FREM2: variants seen among roughly 807,000 people sequenced by gnomAD.
FREM2 encodes FRAS1-related extracellular matrix protein 2.
FREM2 carries 119 observed loss-of-function variants against 219.9 expected under a neutral mutation model. The observed-to-expected ratio is 0.54, with a 90% CI of 0.47 to 0.63. FREM2 has a LOEUF of 0.63. Among genes scored for constraint, FREM2 ranks in the 30% least tolerant of loss-of-function variants. The probability of loss-of-function intolerance (pLI) is 0.00; values close to 1 mark genes in which losing one functional copy is unlikely to be tolerated. For missense variants in FREM2, 4,030 were observed against 3,993.6 expected (o/e 1.01, Z -0.25); for synonymous variants, 1,562 against 1,522.8 (o/e 1.03, Z -0.60).
At chr13:38,752,323 T>G (rs572409070) in intron 2 of FREM2, among the ~76,000 whole-genome samples, 32 of 152,312 alleles carry the variant, frequency 2.1e-4, no homozygotes, top group African/African-American at 7.7e-4. Flanking sequence ...TCTTTTTAAG[T>G]CTAGGAGTTT....
chr13:38,742,973 G>C (rs139980210), intron 2 of FREM2, among the ~76,000 whole-genome samples: 55 of 152,286 alleles, frequency 3.6e-4, no homozygotes, highest in African/African-American at 1.3e-3. Context: ...CAATAATACT[G>C]TTAGCACTTT....
intron 12 of FREM2, 57 bp downstream of exon 12, chr13:38,856,313 A>AT: frequency 6.7e-7 from 1 of 1,498,184 alleles, no homozygotes; most frequent in Non-Finnish European, 9.3e-7. Context: ...GAGGAAATGC[A>AT]TAAAAGCAAT....
At chr13:38,858,119 G>C in intron 13 of FREM2, 86 bp downstream of exon 13, 1 of 1,197,938 alleles carries the variant, frequency 8.3e-7, no homozygotes, top group Non-Finnish European at 1.2e-6. Flanking sequence ...GCTTTGTTAT[G>C]AAGAAATGAA....
At chr13:38,800,004 T>A (rs2137849105) in intron 6 of FREM2, among the ~76,000 whole-genome samples, 1 of 152,308 alleles carries the variant, frequency 6.6e-6, no homozygotes, top group East Asian at 1.9e-4. Flanking sequence ...TTTGTTACTG[T>A]CATATTGCTA....
chr13:38,839,632 T>C (rs1286369794), intron 6 of FREM2, among the ~76,000 whole-genome samples: 1 of 152,200 alleles, frequency 6.6e-6, no homozygotes, highest in Non-Finnish European at 1.5e-5. Context: ...GGCTGCAGCC[T>C]TTCTTTCAGA....
intron 6 of FREM2, among the ~76,000 whole-genome samples, chr13:38,792,315 C>T (rs1442294612): frequency 6.6e-6 from 1 of 152,202 alleles, no homozygotes; most frequent in Non-Finnish European, 1.5e-5. Flanking sequence ...CACCACTGCA[C>T]TCCAGCCTGG....
intron 2 of FREM2, among the ~76,000 whole-genome samples, chr13:38,758,315 C>A (rs1390541216): frequency 2.6e-5 from 4 of 152,286 alleles, no homozygotes; most frequent in African/African-American, 9.6e-5. Flanking sequence ...CCTAATCTTC[C>A]AGGAACGCCT....
chr13:38,725,063 T>G (rs1871458780), intron 2 of FREM2, among the ~76,000 whole-genome samples: 2 of 152,214 alleles, frequency 1.3e-5, no homozygotes, highest in Non-Finnish European at 2.9e-5. Flanking sequence ...AAGAAAGAGA[T>G]AAAGCTAGAG....
chr13:38,870,998 A>G (rs900590144), intron 16 of FREM2, among the ~76,000 whole-genome samples: 1 of 152,182 alleles, frequency 6.6e-6, no homozygotes, highest in Non-Finnish European at 1.5e-5. Flanking sequence ...CTAGTGGCAT[A>G]TGGGTTGACT....
intron 6 of FREM2, among the ~76,000 whole-genome samples, chr13:38,836,512 A>G (rs1876713842): frequency 6.6e-6 from 1 of 152,144 alleles, no homozygotes; most frequent in Non-Finnish European, 1.5e-5. Context: ...TAGTTTCAGA[A>G]GGAATGGTAC....
intron 2 of FREM2, among the ~76,000 whole-genome samples, chr13:38,708,738 CTACTT>C (rs1176323125): frequency 1.3e-5 from 2 of 152,190 alleles, no homozygotes; most frequent in African/African-American, 2.4e-5. Flanking sequence ...GATGTTGTCT[CTACTT>C]TATAACTCTC....
chr13:38,864,758 T>C, intron 16 of FREM2, 152 bp downstream of exon 16: 1 of 714,158 alleles, frequency 1.4e-6, no homozygotes, highest in Non-Finnish European at 2.5e-6. Flanking sequence ...GCATGGATGG[T>C]GTGAAAATCC....
chr13:38,735,101 G>T (rs1233211176), intron 2 of FREM2, among the ~76,000 whole-genome samples: 1 of 152,042 alleles, frequency 6.6e-6, no homozygotes, highest in Non-Finnish European at 1.5e-5. Context: ...AGGACAGCTG[G>T]ATTCTGATAT....
chr13:38,846,834 A>G lies in FREM2; in HGVS notation c.6169+112A>G, dbSNP rs9548504. On this transcript the variant is annotated intron_variant, in intron 7 of 23. Transcript: ENST00000280481. The stretch of plus-strand genomic sequence containing the variant: ...CTTCTATTAAAGCAGTTGGCTGGGT[A>G]TATTGTTTTTGCTGAAATTATTACT... 0.12 allele frequency: 142,202 copies of G among 1,223,346 alleles called. 10,354 individuals are homozygous for G. Among genetic ancestry groups the G allele is most frequent in the Admixed American group, 0.29 (16,838 of 57,888 alleles). 75.8% of individuals were successfully genotyped at this position (1,223,346 alleles called of 1,614,324 possible).
chr13:38,714,886 G>A (rs1441633733), intron 2 of FREM2, among the ~76,000 whole-genome samples: 2 of 151,558 alleles, frequency 1.3e-5, no homozygotes, highest in Non-Finnish European at 2.9e-5. Context: ...AGGAGTTCGA[G>A]ACCAGCCTGG....
chr13:38,825,908 T>C (rs1046762455), intron 6 of FREM2, among the ~76,000 whole-genome samples: 2 of 152,134 alleles, frequency 1.3e-5, no homozygotes, highest in Non-Finnish European at 2.9e-5. Context: ...TTATTCTCTA[T>C]AAATGAAAAT....
Position 38,689,547 on chromosome 13 carries a change from G to A in FREM2, c.2203G>A (p.Asp735Asn). 1.2e-6 allele frequency: 2 copies of A among 1,613,774 alleles called. No individual in the cohort carries two copies. Among genetic ancestry groups the A allele is most frequent in the Non-Finnish European group, 1.7e-6 (2 of 1,179,846 alleles). Residue 735 changes from aspartate to asparagine, a missense_variant, in exon 1 of 24, where the codon GAC becomes AAC. By Grantham distance (23) the Asp-to-Asn change is conservative. Around this residue, in one of 2 missense-constraint regions of FREM2, gnomAD observed 3,102 missense variants for 2,950.7 expected, o/e 1.05. Coordinates refer to ENST00000280481, the MANE Select transcript of FREM2 (RefSeq NM_207361.6). ...GCGCTACACTGACCTGGACACAGAT[G>A]ACCGAGAACTACGTTACACAGTGAC... The part of the protein sequence containing the change: ...WLRYTDLDTD[D>N]RELRYTVTQP...
intron 2 of FREM2, among the ~76,000 whole-genome samples, chr13:38,738,385 G>C (rs2137776456): frequency 6.6e-6 from 1 of 151,928 alleles, no homozygotes; most frequent in Admixed American, 6.6e-5. Context: ...GGGCAACATG[G>C]TGAAACCCCA....
intron 2 of FREM2, among the ~76,000 whole-genome samples, chr13:38,739,508 T>C (rs529158323): frequency 6.6e-6 from 1 of 152,270 alleles, no homozygotes; most frequent in South Asian, 2.1e-4. Context: ...TGAAACCAAA[T>C]CATTACACCT....
Sources: gnomAD v4.1 joint callset for allele counts (sites outside exome capture counted in the v4.1 genomes callset) on GRCh38, gnomAD v4.1.1 for gene constraint, gnomAD v4.1.1 regional missense constraint, MANE v1.5 for transcripts, NCBI Gene and HGNC (gene_info 2026-07-23, HGNC 2026-07-21) for gene names.